The following SUMF1 variants were observed in gnomAD, a reference collection of about 807,000 sequenced individuals.
SUMF1 encodes formylglycine-generating enzyme.
SUMF1 carries 48 observed loss-of-function variants against 47.6 expected under a neutral mutation model. The ratio of observed to expected loss-of-function variants is 1.01; its 90% CI spans 0.80 to 1.28. SUMF1 has a LOEUF of 1.28. SUMF1 is among the 50% of genes most tolerant of loss of function. The pLI is 0.00. For synonymous variants in SUMF1, 230 were observed against 192.1 expected (o/e 1.20, Z -1.63); for missense variants, 571 against 485.4 (o/e 1.18, Z -1.66).
intron 8 of SUMF1, among the ~76,000 whole-genome samples, chr3:4,235,203 T>C (rs1252971446): frequency 6.6e-6 from 1 of 152,134 alleles, no homozygotes; most frequent in Non-Finnish European, 1.5e-5. Context: ...CAGAACTTTA[T>C]GACTGGCTGG....
At chr3:4,454,474 T>C (rs1449366955) in intron 1 of SUMF1, among the ~76,000 whole-genome samples, 1 of 152,230 alleles carries the variant, frequency 6.6e-6, no homozygotes, top group Non-Finnish European at 1.5e-5. Context: ...CCCTCACATA[T>C]TGCTGGTAGG....
At chr3:4,384,800 TG>T (rs1700618861) in intron 7 of SUMF1, among the ~76,000 whole-genome samples, 1 of 152,234 alleles carries the variant, frequency 6.6e-6, no homozygotes, top group African/African-American at 2.4e-5. Flanking sequence ...TACAGGTTTT[TG>T]TATGAACATA....
chr3:4,299,400 T>A (rs990809848), intron 8 of SUMF1, among the ~76,000 whole-genome samples: 9 of 152,240 alleles, frequency 5.9e-5, no homozygotes, highest in African/African-American at 1.9e-4. Flanking sequence ...ATGCCAAGTG[T>A]GGCCAGTGAC....
At chr3:4,416,161 G>T (rs561673560) in intron 6 of SUMF1, among the ~76,000 whole-genome samples, 1 of 152,270 alleles carries the variant, frequency 6.6e-6, no homozygotes. Flanking sequence ...AAGCATTCTG[G>T]AAAACAGTTT....
intron 8 of SUMF1, chr3:4,303,547 C>T (rs1032517853): frequency 6.7e-6 from 9 of 1,347,824 alleles, no homozygotes; most frequent in Non-Finnish European, 8.5e-6. Flanking sequence ...GGCCAGGCGG[C>T]GCGGGAGGCG....
chr3:4,079,437 A>C (rs952619795), intron 8 of SUMF1, among the ~76,000 whole-genome samples: 3 of 151,996 alleles, frequency 2.0e-5, no homozygotes, highest in African/African-American at 7.3e-5. Flanking sequence ...CATGCCTGAC[A>C]TGTACCTGAG....
chr3:4,198,822 G>A (rs1386642503), intron 8 of SUMF1, among the ~76,000 whole-genome samples: 1 of 151,614 alleles, frequency 6.6e-6, no homozygotes, highest in Non-Finnish European at 1.5e-5. Flanking sequence ...ATCTGCTCTG[G>A]GGAATAATCC....
intron 3 of SUMF1, among the ~76,000 whole-genome samples, chr3:4,444,529 T>C (rs1261704475): frequency 6.6e-6 from 1 of 152,162 alleles, no homozygotes; most frequent in African/African-American, 2.4e-5. Context: ...GTTTGGGAGT[T>C]TTAAAAACCT....
At chr3:4,316,943 T>G (rs1408785750) in intron 8 of SUMF1, 10 of 1,549,352 alleles carry the variant, frequency 6.5e-6, no homozygotes, top group Non-Finnish European at 8.7e-6. Context: ...AGGGCCCAAT[T>G]CTTCTCCACG....
intron 3 of SUMF1, among the ~76,000 whole-genome samples, chr3:4,428,520 A>AT (rs1457326615): frequency 6.6e-6 from 1 of 151,812 alleles, no homozygotes; most frequent in Non-Finnish European, 1.5e-5. Flanking sequence ...CACTTGGCTA[A>AT]TTTTTTCAAT....
At chr3:4,357,049 G>A (rs1207681471), downstream of SUMF1, among the ~76,000 whole-genome samples, 1 of 152,178 alleles carries the variant, frequency 6.6e-6, no homozygotes, top group African/African-American at 2.4e-5. Context: ...AAAGTCGACT[G>A]ATGGAGAAAT....
intron 3 of SUMF1, among the ~76,000 whole-genome samples, chr3:4,445,797 T>A (rs1341017790): frequency 6.6e-6 from 1 of 152,114 alleles, no homozygotes; most frequent in African/African-American, 2.4e-5. Context: ...CAAAAACAAG[T>A]GGGTCATATG....
chr3:4,259,336 A>G (rs973991961), intron 8 of SUMF1, among the ~76,000 whole-genome samples: 2 of 152,186 alleles, frequency 1.3e-5, no homozygotes, highest in Non-Finnish European at 2.9e-5. Flanking sequence ...TTTCATGGCT[A>G]TTGCAATTTT....
At chr3:4,211,331 A>T in intron 8 of SUMF1, among the ~76,000 whole-genome samples, 1 of 146,196 alleles carries the variant, frequency 6.8e-6, no homozygotes, top group South Asian at 2.2e-4. Flanking sequence ...TCTAACCTCC[A>T]CCCTCCAGTT....
chr3:4,124,725 T>G (rs1272248899), intron 8 of SUMF1, among the ~76,000 whole-genome samples: 1 of 152,106 alleles, frequency 6.6e-6, no homozygotes, highest in Non-Finnish European at 1.5e-5. Context: ...AACAAAAATC[T>G]TGAGGTTCTG....
At chr3:4,208,256 C>G (rs1194479283) in intron 8 of SUMF1, among the ~76,000 whole-genome samples, 1 of 151,986 alleles carries the variant, frequency 6.6e-6, no homozygotes, top group Non-Finnish European at 1.5e-5. Context: ...CCTGTCCCAC[C>G]TAAAGGGTAA....
At chr3:4,040,467 T>C (rs1341425170) in intron 9 of SUMF1, among the ~76,000 whole-genome samples, 7 of 152,274 alleles carry the variant, frequency 4.6e-5, no homozygotes, top group Non-Finnish European at 1.0e-4. Flanking sequence ...AGCATTTTAA[T>C]CAATGATTTA....
chr3:4,170,271 C>T (rs2125122713), intron 8 of SUMF1, among the ~76,000 whole-genome samples: 1 of 152,282 alleles, frequency 6.6e-6, no homozygotes, highest in Middle Eastern at 3.4e-3. Context: ...GGAAAATGAT[C>T]TATATCAATG....
chr3:4,353,694 T>C (rs1303892516), intron 8 of SUMF1, among the ~76,000 whole-genome samples: 2 of 152,132 alleles, frequency 1.3e-5, no homozygotes, highest in African/African-American at 2.4e-5. Context: ...GAAAATCAGT[T>C]TGACTCACAG....
Sources: gnomAD v4.1 joint callset for allele counts (sites outside exome capture counted in the v4.1 genomes callset) on GRCh38, gnomAD v4.1.1 for gene constraint, MANE v1.5 for transcripts, NCBI Gene and HGNC (gene_info 2026-07-23, HGNC 2026-07-21) for gene names.